Variants in CFAP20DC observed in about 807,000 individuals in gnomAD.
CFAP20DC encodes the protein CFAP20 domain containing.
CFAP20DC carries 84 observed loss-of-function variants against 101.7 expected under a neutral mutation model. The observed-to-expected ratio is 0.83, with a 90% CI of 0.69 to 0.99. CFAP20DC has a LOEUF of 0.99. Among genes scored for constraint, CFAP20DC ranks in the 50% least tolerant of loss-of-function variants. The pLI, the probability that CFAP20DC is intolerant of heterozygous loss-of-function variation, is 0.00. For synonymous variants in CFAP20DC, 359 were observed against 351.2 expected, an observed-to-expected ratio of 1.02 and a Z score of -0.25; for missense variants, 1,007 against 970.3, an observed-to-expected ratio of 1.04 and a Z score of -0.50.
intron 12 of CFAP20DC, among the ~76,000 whole-genome samples, chr3:58,853,021 C>G (rs1351727563): frequency 6.6e-6 from 1 of 152,132 alleles, no homozygotes; most frequent in East Asian, 1.9e-4. Context: ...ACAAAAAACC[C>G]TTCAAAAATT....
chr3:58,738,165 G>A (rs139847561), downstream of CFAP20DC, among the ~76,000 whole-genome samples: 419 of 152,208 alleles, frequency 2.8e-3, no homozygotes, highest in Non-Finnish European at 4.8e-3. The surrounding 1 kb of genome is among the most constrained non-coding windows in gnomAD (Gnocchi z 4.4). Flanking sequence ...ATGTGAACAG[G>A]TGATAACAGG....
intron 4 of CFAP20DC, among the ~76,000 whole-genome samples, chr3:58,988,928 G>A (rs934061534): frequency 6.6e-6 from 1 of 151,990 alleles, no homozygotes; most frequent in African/African-American, 2.4e-5. Flanking sequence ...GATGTCTTTT[G>A]CCAGGAGTTC....
At chr3:58,927,030 G>C (rs2086062894) in intron 5 of CFAP20DC, among the ~76,000 whole-genome samples, 1 of 152,174 alleles carries the variant, frequency 6.6e-6, no homozygotes, top group Non-Finnish European at 1.5e-5. Flanking sequence ...ATTGATTCTA[G>C]TGAGTCTCAA....
intron 6 of CFAP20DC, among the ~76,000 whole-genome samples, chr3:58,895,451 T>C: frequency 6.6e-6 from 1 of 152,196 alleles, no homozygotes; most frequent in East Asian, 1.9e-4. Flanking sequence ...TGCTAAAACA[T>C]AACAAGAATC....
rs1471831308 is a variant in CFAP20DC at position 58,721,869 on chromosome 3, C to T, written c.198-4241G>A. On this transcript the variant is annotated intron_variant, in intron 3 of 3. Transcript: ENST00000486145. The surrounding 1 kb of genome is among the most constrained non-coding windows in gnomAD (Gnocchi z 5.2). The stretch of plus-strand genomic sequence containing the variant: ...TCATGTTGGGGTTGATTTTATTTTC[C>T]TAAGATTGTGGCAACACGAACTCCC... Among the ~76,000 whole-genome samples the T allele has an allele frequency of 1.3e-5, 2 of 152,206 alleles. No homozygotes were observed. Among genetic ancestry groups the T allele is most frequent in the Non-Finnish European group, 2.9e-5 (2 of 68,050 alleles).
intron 5 of CFAP20DC, among the ~76,000 whole-genome samples, chr3:58,916,323 C>T (rs2084705799): frequency 6.6e-6 from 1 of 152,044 alleles, no homozygotes; most frequent in African/African-American, 2.4e-5. Flanking sequence ...CCATCTCCAG[C>T]TGGTTACACC....
intron 14 of CFAP20DC, among the ~76,000 whole-genome samples, chr3:58,821,166 C>T (rs200423930): frequency 0.099 from 14,941 of 151,466 alleles, 1,265 homozygotes; most frequent in East Asian, 0.35. Flanking sequence ...AAGATTTAAA[C>T]GTTAGACCTA....
intron 4 of CFAP20DC, among the ~76,000 whole-genome samples, chr3:58,939,290 GTC>G (rs2088162870): frequency 6.6e-6 from 1 of 152,054 alleles, no homozygotes; most frequent in South Asian, 2.1e-4. Context: ...ACGCTATTAG[GTC>G]TCTTCTGTAA....
intron 16 of CFAP20DC, among the ~76,000 whole-genome samples, chr3:58,750,883 T>C (rs1186927472): frequency 6.6e-6 from 1 of 152,194 alleles, no homozygotes; most frequent in African/African-American, 2.4e-5. Context: ...CATAAGGTGA[T>C]CTATAACTCT....
At chr3:58,772,086 G>C (rs2070899757) in intron 15 of CFAP20DC, among the ~76,000 whole-genome samples, 1 of 152,142 alleles carries the variant, frequency 6.6e-6, no homozygotes, top group East Asian at 1.9e-4. Flanking sequence ...ACAATGCACA[G>C]AAATTTCCAG....
At chr3:58,988,684 G>A (rs1210194378) in intron 4 of CFAP20DC, among the ~76,000 whole-genome samples, 2 of 152,112 alleles carry the variant, frequency 1.3e-5, no homozygotes, top group Non-Finnish European at 2.9e-5. Flanking sequence ...AATGGATTAA[G>A]ACAATATTTC....
chr3:58,880,949 G>T (rs1044777733), intron 7 of CFAP20DC, among the ~76,000 whole-genome samples: 2 of 152,098 alleles, frequency 1.3e-5, no homozygotes, highest in Non-Finnish European at 2.9e-5. Flanking sequence ...GTTTAGAAAA[G>T]AAGAAATTAA....
chr3:58,933,887 CA>C (rs911637703), intron 5 of CFAP20DC, among the ~76,000 whole-genome samples: 84 of 151,890 alleles, frequency 5.5e-4, no homozygotes, highest in African/African-American at 1.9e-3. Flanking sequence ...CAAACACATT[CA>C]AAAGCTAGCA....
chr3:59,025,457 A>C (rs1184284632), intron 4 of CFAP20DC, among the ~76,000 whole-genome samples: 1 of 152,198 alleles, frequency 6.6e-6, no homozygotes, highest in Non-Finnish European at 1.5e-5. Flanking sequence ...AACAATTTAA[A>C]AATTAAACAG....
chr3:58,755,768 C>A (rs919479633), intron 15 of CFAP20DC, among the ~76,000 whole-genome samples: 3 of 152,134 alleles, frequency 2.0e-5, no homozygotes, highest in African/African-American at 7.2e-5. Flanking sequence ...CCACCTTTAA[C>A]ATTTTATCAT....
In CFAP20DC at chr3:59,022,043, T is replaced by C. The variant is rs9812185; in HGVS notation, c.278+17514A>G. Among the ~76,000 whole-genome samples the C allele has an allele frequency of 9.8e-3, 1,495 of 152,184 alleles. 27 individuals are homozygous for C. The highest frequency in any genetic ancestry group is 0.034 in the African/African-American group (1,403 of 41,520). On this transcript the variant is annotated intron_variant, in intron 4 of 16. Transcript: ENST00000482387. Reference sequence around the variant, plus strand: ...AGCAAAGAATCTGACTTATTTCTGTTGATTTTTGAAGGGGAGGAATGGGAG... The same window carrying C: ...AGCAAAGAATCTGACTTATTTCTGTCGATTTTTGAAGGGGAGGAATGGGAG...
intron 15 of CFAP20DC, among the ~76,000 whole-genome samples, chr3:58,784,665 G>A (rs1246149306): frequency 1.3e-5 from 2 of 152,058 alleles, no homozygotes; most frequent in Non-Finnish European, 2.9e-5. Context: ...TGGTTTGTTT[G>A]CTTTTGGATA....
intron 11 of CFAP20DC, among the ~76,000 whole-genome samples, chr3:58,865,380 A>G (rs1297745553): frequency 6.6e-6 from 1 of 152,228 alleles, no homozygotes; most frequent in Non-Finnish European, 1.5e-5. Context: ...TACATAACAT[A>G]ACTTACCTGT....
intron 15 of CFAP20DC, among the ~76,000 whole-genome samples, chr3:58,781,618 A>G (rs1205072558): frequency 6.6e-6 from 1 of 152,056 alleles, no homozygotes; most frequent in African/African-American, 2.4e-5. Context: ...AATTGTTACC[A>G]TGGAAATACA....
Sources: allele counts gnomAD v4.1 joint callset (sites outside exome capture counted in the v4.1 genomes callset), GRCh38; gene constraint gnomAD v4.1.1; non-coding constraint Gnocchi (gnomAD v3.1); transcripts MANE v1.5; gene names NCBI Gene and HGNC (gene_info 2026-07-23, HGNC 2026-07-21).